MCCC1: variants seen among roughly 807,000 people sequenced by gnomAD.
The protein encoded by MCCC1 is methylcrotonoyl-CoA carboxylase subunit alpha, mitochondrial.
In MCCC1, 64 loss-of-function variants were observed where a neutral mutation model predicts 83.8. The observed-to-expected ratio is 0.76, with a 90% CI of 0.62 to 0.94. The LOEUF is 0.94. Among genes scored for constraint, MCCC1 ranks in the 40% least tolerant of loss-of-function variants. The pLI is 0.00. For synonymous variants in MCCC1, 322 were observed against 315.4 expected (o/e 1.02, Z -0.22); for missense variants, 807 against 904.7 (o/e 0.89, Z 1.39).
chr3:183,077,671 C>G (rs1717179274), intron 4 of MCCC1, among the ~76,000 whole-genome samples: 2 of 152,074 alleles, frequency 1.3e-5, no homozygotes, highest in East Asian at 3.9e-4. Context: ...TCTAAGAAAT[C>G]TTTGCCTAAT....
At chr3:183,034,204 A>G (rs1249208937) in intron 13 of MCCC1, 127 bp from the exon 14 acceptor site, 1 of 682,554 alleles carries the variant, frequency 1.5e-6, no homozygotes, top group Non-Finnish European at 2.6e-6. Flanking sequence ...TAATCCCAGC[A>G]CTTTGGGAGG....
chr3:183,099,190 C>T lies in MCCC1; in HGVS notation c.89+162G>A, dbSNP rs560297349. Reference sequence around the variant, plus strand: ...AGGGCTGGTGGGGATGTCTTCCTCCCGACGCCGTGACTGCCGGCAGAACCC... The same window carrying T: ...AGGGCTGGTGGGGATGTCTTCCTCCTGACGCCGTGACTGCCGGCAGAACCC... On this transcript the variant is annotated intron_variant, in intron 1 of 18. Coordinates refer to ENST00000265594, the MANE Select transcript of MCCC1 (RefSeq NM_020166.5). 1.9e-5 allele frequency: 14 copies of T among 751,148 alleles called. No homozygotes were observed. In the East Asian group the frequency reaches 3.3e-4, roughly 17 times the overall value. 46.5% of individuals were successfully genotyped at this position (751,148 alleles called of 1,614,324 possible).
chr3:183,092,452 G>A lies in MCCC1; in HGVS notation c.230C>T (p.Ala77Val), dbSNP rs776594363. 21 of 1,613,974 alleles carry A rather than the reference G, an allele frequency of 1.3e-5. No homozygotes were observed. Among genetic ancestry groups the A allele is most frequent in the Middle Eastern group, 1.6e-4 (1 of 6,084 alleles). Residue 77 changes from alanine (A) to valine (V), a missense_variant, in exon 3 of 19, where the codon GCG becomes GTG. Coordinates refer to ENST00000265594, the MANE Select transcript of MCCC1 (RefSeq NM_020166.5). ...ATTTCTGTCAGCCTCACTATAAACCGCCACAGTCTGTACACCCAGTTTTTT... is the reference window on the plus strand; with the variant it reads ...ATTTCTGTCAGCCTCACTATAAACCACCACAGTCTGTACACCCAGTTTTTT... Reference protein sequence around the residue: ...TAKKLGVQTVAVYSEADRNSM... With the variant: ...TAKKLGVQTVVVYSEADRNSM...
At chr3:183,042,067 C>G (rs1714135069) in intron 10 of MCCC1, among the ~76,000 whole-genome samples, 1 of 152,280 alleles carries the variant, frequency 6.6e-6, no homozygotes, top group African/African-American at 2.4e-5. Flanking sequence ...TTCTTACTAG[C>G]AACACACTCT....
Position 183,020,278 on chromosome 3 carries a change from A to G in MCCC1, c.1870-41T>C. 6 of 1,453,322 alleles carry G rather than the reference A, an allele frequency of 4.1e-6. 1 individual carries two copies. The highest frequency in any genetic ancestry group is 2.3e-5 in the South Asian group (2 of 87,248). 90.0% of individuals were successfully genotyped at this position (1,453,322 alleles called of 1,614,324 possible). A position where few individuals can be genotyped will look rare whatever the true frequency, so the allele number is the denominator to read the frequency against. ...AAACTGAAAACCGAATCAACATCCT[A>G]TCACTATATTTTTACTAATATACCT... On this transcript the variant is annotated intron_variant, in intron 16 of 18. Transcript: ENST00000265594.
At chr3:183,016,562 C>A (rs923587620) in intron 18 of MCCC1, among the ~76,000 whole-genome samples, 8 of 152,200 alleles carry the variant, frequency 5.3e-5, no homozygotes, top group Admixed American at 6.5e-5. Flanking sequence ...GGCTCTACTC[C>A]TGGAGATTGC....
intron 4 of MCCC1, among the ~76,000 whole-genome samples, chr3:183,084,285 T>A (rs1432034319): frequency 6.6e-6 from 1 of 152,186 alleles, no homozygotes; most frequent in African/African-American, 2.4e-5. Context: ...TGCTTTGGAA[T>A]AACATCATGC....
At chr3:183,088,033 G>C (rs752100895) in intron 3 of MCCC1, among the ~76,000 whole-genome samples, 1 of 152,016 alleles carries the variant, frequency 6.6e-6, no homozygotes, top group South Asian at 2.1e-4. Context: ...ACCGAAGAAG[G>C]CTTGTGTGGC....
intron 14 of MCCC1, among the ~76,000 whole-genome samples, chr3:183,028,819 T>C (rs1232729670): frequency 6.6e-6 from 1 of 152,202 alleles, no homozygotes; most frequent in East Asian, 1.9e-4. Flanking sequence ...TGGTATCTCA[T>C]TTTATGAAAA....
At chr3:183,102,049 G>T (rs1382972452), upstream of MCCC1, among the ~76,000 whole-genome samples, 1 of 152,140 alleles carries the variant, frequency 6.6e-6, no homozygotes, top group Non-Finnish European at 1.5e-5. Flanking sequence ...TCACCGCGAG[G>T]GTGTGCAGCT....
chr3:183,019,170 G>T (rs1185585171), intron 17 of MCCC1, among the ~76,000 whole-genome samples: 2 of 151,898 alleles, frequency 1.3e-5, no homozygotes, highest in African/African-American at 4.8e-5. Context: ...TTCTTTTTTT[G>T]TTCCAAGCAT....
At chr3:183,096,160 A>AC (rs1205328301) in intron 1 of MCCC1, among the ~76,000 whole-genome samples, 1 of 151,908 alleles carries the variant, frequency 6.6e-6, no homozygotes, top group East Asian at 1.9e-4. Flanking sequence ...ACATGGTGAA[A>AC]CCCCATCTCT....
intron 10 of MCCC1, among the ~76,000 whole-genome samples, chr3:183,042,656 TTA>T (rs149737579): frequency 0.9 from 136,397 of 151,802 alleles, 61,590 homozygotes; most frequent in East Asian, 1. Flanking sequence ...CGGAACTAAG[TTA>T]AATACCTTTA....
exon 1 of MCCC1, chr3:183,115,965 T>G (rs1379389852): frequency 6.6e-6 from 1 of 151,998 alleles, no homozygotes; most frequent in Non-Finnish European, 1.5e-5. Context: ...GGTCACAGAG[T>G]GGGAGTGGGC....
intron 12 of MCCC1, among the ~76,000 whole-genome samples, chr3:183,038,450 G>A (rs1485928222): frequency 6.6e-6 from 1 of 152,074 alleles, no homozygotes; most frequent in Non-Finnish European, 1.5e-5. Flanking sequence ...CCAGAGCTTT[G>A]ATCAATTATT....
intron 1 of MCCC1, among the ~76,000 whole-genome samples, chr3:183,109,087 A>T (rs989018830): frequency 2.0e-5 from 3 of 151,872 alleles, no homozygotes; most frequent in Admixed American, 6.6e-5. Flanking sequence ...CGCCTCCTGG[A>T]TTCAAGTGAT....
At chr3:183,017,512 T>A in intron 17 of MCCC1, 175 bp from the exon 18 acceptor site, 1 of 636,810 alleles carries the variant, frequency 1.6e-6, no homozygotes, top group Non-Finnish European at 2.7e-6. Flanking sequence ...ACAGAGGTCC[T>A]TTGTGGTCCA....
chr3:183,029,928 G>A (rs763279356), intron 14 of MCCC1, among the ~76,000 whole-genome samples: 5 of 152,032 alleles, frequency 3.3e-5, no homozygotes, highest in Non-Finnish European at 7.4e-5. Context: ...GCCTGATATT[G>A]GAGGCCCCAC....
At chr3:183,038,212 C>T (rs796946852) in intron 12 of MCCC1, among the ~76,000 whole-genome samples, 33 of 152,236 alleles carry the variant, frequency 2.2e-4, no homozygotes, top group African/African-American at 7.7e-4. Flanking sequence ...ATGTTACATG[C>T]TATGAAGAAA....
Sources: gnomAD v4.1 joint callset for allele counts (sites outside exome capture counted in the v4.1 genomes callset) on GRCh38, gnomAD v4.1.1 for gene constraint, MANE v1.5 for transcripts, NCBI Gene and HGNC (gene_info 2026-07-23, HGNC 2026-07-21) for gene names.